The following BCL9 variants were observed in gnomAD, a reference collection of about 807,000 sequenced individuals.
BCL9 encodes B-cell CLL/lymphoma 9 protein.
BCL9 carries 25 observed loss-of-function variants against 88.5 expected under a neutral mutation model. The ratio of observed to expected loss-of-function variants is 0.28; its 90% CI spans 0.21 to 0.39. The LOEUF is 0.39. Among genes scored for constraint, BCL9 ranks in the 10% least tolerant of loss-of-function variants. The pLI, the probability that BCL9 is intolerant of heterozygous loss-of-function variation, is 1.00. For missense variants in BCL9, 1,817 were observed against 1,877.8 expected, an observed-to-expected ratio of 0.97 and a Z score of 0.60; for synonymous variants, 711 against 673.3, an observed-to-expected ratio of 1.06 and a Z score of -0.87.
chr1:147,556,328 G>A (rs1553195450), intron 1 of BCL9, among the ~76,000 whole-genome samples: 2 of 150,348 alleles, frequency 1.3e-5, no homozygotes, highest in Admixed American at 6.6e-5. Context: ...ATTTCACTAT[G>A]TTGGCTAGGC....
intron 1 of BCL9, among the ~76,000 whole-genome samples, chr1:147,544,869 C>A (rs1278478912): frequency 5.9e-5 from 9 of 151,998 alleles, no homozygotes; most frequent in Admixed American, 2.6e-4. Context: ...CTATTTGTGG[C>A]CTTTCTTGGA....
rs782641520 is a variant in BCL9 at position 147,623,805 on chromosome 1, GGTTAA to G, written c.3164-33_3164-29del. ...TTATAGTTTTTCTGAGTTGATTTTT[GGTTAA>G]GTTGATTCCTTTGATATCTTTATTT... is the stretch of plus-strand genomic sequence containing the variant. On this transcript the variant is annotated intron_variant, in intron 9 of 9. Transcript: ENST00000234739. 95 of 1,563,830 alleles carry G rather than the reference GGTTAA, an allele frequency of 6.1e-5. No homozygotes were observed. The Middle Eastern group carries it at 6.9e-4, about 11-fold the overall frequency.
intron 8 of BCL9, among the ~76,000 whole-genome samples, 155 bp from the exon 9 acceptor site, chr1:147,622,116 G>C (rs1242837418): frequency 6.6e-6 from 1 of 152,158 alleles, no homozygotes; most frequent in African/African-American, 2.4e-5. Flanking sequence ...CACAGAGCTT[G>C]ACTAGAAGAT....
At chr1:147,592,162 C>T (rs1656873693) in intron 1 of BCL9, among the ~76,000 whole-genome samples, 1 of 152,160 alleles carries the variant, frequency 6.6e-6, no homozygotes, top group South Asian at 2.1e-4. Context: ...AGTGTTATTC[C>T]AAAACACTAG....
intron 1 of BCL9, among the ~76,000 whole-genome samples, chr1:147,578,294 T>A (rs1472577767): frequency 6.6e-6 from 1 of 152,096 alleles, no homozygotes; most frequent in Non-Finnish European, 1.5e-5. Flanking sequence ...GCATCCCTAA[T>A]CCAAAAATCC....
intron 1 of BCL9, among the ~76,000 whole-genome samples, chr1:147,561,491 A>T (rs1161750826): frequency 1.3e-5 from 2 of 152,198 alleles, no homozygotes; most frequent in Non-Finnish European, 2.9e-5. Context: ...GACCCTTCTC[A>T]TTCCCTCTTA....
intron 1 of BCL9, among the ~76,000 whole-genome samples, chr1:147,562,104 G>A (rs1386635990): frequency 6.6e-6 from 1 of 152,102 alleles, no homozygotes. Context: ...CGAGGCGGGC[G>A]GATCACCTGA....
intron 1 of BCL9, among the ~76,000 whole-genome samples, chr1:147,592,414 A>G (rs1267266779): frequency 6.6e-6 from 1 of 152,176 alleles, no homozygotes; most frequent in Admixed American, 6.5e-5. Flanking sequence ...TCCAAGCTTC[A>G]AAATTAGCCT....
At chr1:147,584,806 C>T (rs627548) in intron 1 of BCL9, among the ~76,000 whole-genome samples, 93 of 152,248 alleles carry the variant, frequency 6.1e-4, no homozygotes, top group African/African-American at 2.1e-3. Context: ...TGGTAAGGAA[C>T]CTTCCTACTA....
intron 3 of BCL9, among the ~76,000 whole-genome samples, chr1:147,608,599 C>T (rs1036007456): frequency 6.6e-6 from 1 of 152,126 alleles, no homozygotes; most frequent in Non-Finnish European, 1.5e-5. Context: ...TGCCTGGCAA[C>T]ATCTCTTCCT....
intron 1 of BCL9, among the ~76,000 whole-genome samples, chr1:147,603,842 T>G (rs1553201636): frequency 6.6e-6 from 1 of 152,152 alleles, no homozygotes; most frequent in Non-Finnish European, 1.5e-5. Flanking sequence ...ATGTCCCATG[T>G]GCTCCTTTGG....
intron 1 of BCL9, among the ~76,000 whole-genome samples, chr1:147,564,520 C>T (rs587760170): frequency 1.3e-5 from 2 of 152,134 alleles, no homozygotes; most frequent in East Asian, 3.9e-4. Context: ...AGTCTGAGAC[C>T]TTGGGGAAAA....
rs1553204401 is a variant in BCL9, at chr1:147,619,175, G to GC, written c.1026dup (p.Thr343HisfsTer34). 6.2e-7 allele frequency: 1 copy of GC among 1,613,356 alleles called. No homozygotes were observed. The stretch of plus-strand genomic sequence containing the variant: ...CGCCTCCACCAGTGTCCAGTGGCGA[G>GC]CCCCCCACACTGGGAGAGAATCCCG... On this transcript the variant is annotated frameshift_variant, in exon 8 of 10. Coordinates refer to ENST00000234739, the MANE Select transcript of BCL9 (RefSeq NM_004326.4). LOFTEE classifies it high-confidence loss of function. This position sits in a 1 kb window ranked among gnomAD's most constrained non-coding sequence, Gnocchi z 4.1.
At chr1:147,603,524 C>G (rs1179911267) in intron 1 of BCL9, among the ~76,000 whole-genome samples, 3 of 152,032 alleles carry the variant, frequency 2.0e-5, no homozygotes, top group Admixed American at 6.5e-5. Context: ...TAAATTGAGA[C>G]AGAGTCTTGC....
chr1:147,609,560 A>C (rs1308594564), intron 3 of BCL9, among the ~76,000 whole-genome samples: 2 of 152,260 alleles, frequency 1.3e-5, no homozygotes, highest in African/African-American at 4.8e-5. Flanking sequence ...CTGTCAATCA[A>C]AGTCAGGCAA....
chr1:147,613,537 T>C (rs1553203117), intron 5 of BCL9, among the ~76,000 whole-genome samples: 23 of 152,312 alleles, frequency 1.5e-4, no homozygotes, highest in Non-Finnish European at 1.5e-5. Flanking sequence ...CTAGTTTGTC[T>C]GTGCCAGTGG....
At chr1:147,598,996 A>T (rs2101585245) in intron 1 of BCL9, among the ~76,000 whole-genome samples, 1 of 152,278 alleles carries the variant, frequency 6.6e-6, no homozygotes, top group East Asian at 1.9e-4. Context: ...CCCTCTCACA[A>T]CAGCGCCGGG....
At chr1:147,596,402 C>CTT (rs1437436601) in intron 1 of BCL9, among the ~76,000 whole-genome samples, 137,691 of 138,670 alleles carry the variant, frequency 0.99, 68,361 homozygotes, top group Middle Eastern at 1. Context: ...GATTGACTTT[C>CTT]TTTTTTTTCT....
At chr1:147,598,775 C>A (rs1358482893) in intron 1 of BCL9, among the ~76,000 whole-genome samples, 12 of 152,298 alleles carry the variant, frequency 7.9e-5, no homozygotes, top group Admixed American at 7.8e-4. Context: ...TAGATCAAGA[C>A]CCCACAAGGC....
Sources: allele counts gnomAD v4.1 joint callset (sites outside exome capture counted in the v4.1 genomes callset), GRCh38; gene constraint gnomAD v4.1.1; non-coding constraint Gnocchi (gnomAD v3.1); transcripts MANE v1.5; gene names NCBI Gene and HGNC (gene_info 2026-07-23, HGNC 2026-07-21).